KCNH1: variants seen among roughly 807,000 people sequenced by gnomAD.
The protein encoded by KCNH1 is voltage-gated delayed rectifier potassium channel KCNH1.
In KCNH1, 27 loss-of-function variants were observed where a neutral mutation model predicts 69.2. That is an observed-to-expected ratio of 0.39 (90% CI 0.29 to 0.54). The LOEUF (loss-of-function observed/expected upper bound fraction) is 0.54. KCNH1 is among the 20% of genes least tolerant of loss of function. The pLI, the probability that KCNH1 is intolerant of heterozygous loss-of-function variation, is 0.68. For synonymous variants in KCNH1, 456 were observed against 487.7 expected (o/e 0.93, Z 0.86); for missense variants, 798 against 1,261.6 (o/e 0.63, Z 5.57).
At chr1:210,699,359 C>A (rs528118555) in intron 10 of KCNH1, among the ~76,000 whole-genome samples, 1 of 152,344 alleles carries the variant, frequency 6.6e-6, no homozygotes, top group East Asian at 1.9e-4. Context: ...AACCTGGGCA[C>A]AGCATGGACA....
chr1:210,699,221 T>C (rs1681715655), intron 10 of KCNH1, among the ~76,000 whole-genome samples: 1 of 152,216 alleles, frequency 6.6e-6, no homozygotes, highest in South Asian at 2.1e-4. Flanking sequence ...CAATAAATAC[T>C]GTGCCTGCCT....
chr1:210,931,130 G>A (rs1268428712), intron 6 of KCNH1, among the ~76,000 whole-genome samples: 1 of 152,164 alleles, frequency 6.6e-6, no homozygotes, highest in Non-Finnish European at 1.5e-5. Context: ...ACTAAAAGTA[G>A]ATCTACCATT....
At chr1:211,092,079 T>C (rs1182236358) in intron 3 of KCNH1, among the ~76,000 whole-genome samples, 1 of 152,214 alleles carries the variant, frequency 6.6e-6, no homozygotes, top group Non-Finnish European at 1.5e-5. Flanking sequence ...CAAATCAAAA[T>C]AAAGTAGCTA....
intron 7 of KCNH1, chr1:210,861,168 C>G: frequency 2.1e-6 from 2 of 943,952 alleles, no homozygotes; most frequent in South Asian, 2.6e-5. Context: ...TCGTAAGGGT[C>G]TTCTTCCCAA....
intron 1 of KCNH1, among the ~76,000 whole-genome samples, chr1:211,128,212 C>T (rs1453583211): frequency 6.6e-6 from 1 of 151,080 alleles, no homozygotes; most frequent in Non-Finnish European, 1.5e-5. Context: ...TTGCTTGAAC[C>T]CGGGAGGCGG....
At chr1:210,850,039 G>A (rs543508638) in intron 7 of KCNH1, among the ~76,000 whole-genome samples, 37 of 152,146 alleles carry the variant, frequency 2.4e-4, no homozygotes, top group African/African-American at 7.5e-4. Flanking sequence ...CATCTCCTTC[G>A]TGACCAAAAT....
intron 4 of KCNH1, among the ~76,000 whole-genome samples, chr1:211,087,641 A>ACG (rs1553378397): frequency 3.9e-3 from 150 of 38,724 alleles, no homozygotes; most frequent in Middle Eastern, 0.015. Flanking sequence ...ACACACACGC[A>ACG]CACACACACA....
Position 211,019,260 on chromosome 1 carries a change from T to A in KCNH1, c.559-4A>T, listed in dbSNP as rs1689547278. ...TGTCTGAGCCCAGCTGTAGGACCTG[T>A]ACAGAAAAACATGACCAAGAGAGAA... is the stretch of plus-strand genomic sequence containing the variant. On this transcript the variant is annotated splice_polypyrimidine_tract_variant and splice_region_variant and intron_variant, in intron 5 of 10. Transcript: ENST00000271751. 1 of 1,579,628 alleles carries A rather than the reference T, an allele frequency of 6.3e-7. No individual in the cohort carries two copies. Among genetic ancestry groups the A allele is most frequent in the South Asian group, 1.1e-5 (1 of 87,798 alleles).
chr1:210,755,914 A>C (rs1319350169), intron 10 of KCNH1, among the ~76,000 whole-genome samples: 1 of 152,190 alleles, frequency 6.6e-6, no homozygotes, highest in Non-Finnish European at 1.5e-5. Flanking sequence ...TTAACTTTAC[A>C]TAATAATTTC....
chr1:210,968,024 C>T (rs199991467), intron 6 of KCNH1, among the ~76,000 whole-genome samples: 3 of 152,038 alleles, frequency 2.0e-5, no homozygotes, highest in East Asian at 3.9e-4. Flanking sequence ...CCCCTCCCAC[C>T]ACCCCACAAC....
At chr1:211,071,635 T>A (rs1039887480) in intron 5 of KCNH1, among the ~76,000 whole-genome samples, 9 of 152,222 alleles carry the variant, frequency 5.9e-5, no homozygotes, top group Non-Finnish European at 1.3e-4. Flanking sequence ...TTATAATAGA[T>A]TTGTTTATAT....
intron 3 of KCNH1, among the ~76,000 whole-genome samples, chr1:211,099,771 C>G (rs919907261): frequency 2.0e-5 from 3 of 152,208 alleles, no homozygotes; most frequent in African/African-American, 7.2e-5. Context: ...ATGATGAGTT[C>G]CTGACTGGAA....
chr1:210,789,017 C>T (rs1038950748), intron 9 of KCNH1, among the ~76,000 whole-genome samples: 9 of 152,120 alleles, frequency 5.9e-5, no homozygotes, highest in East Asian at 1.9e-4. Flanking sequence ...TCTAAAAGTG[C>T]GGACTTAGTT....
intron 6 of KCNH1, among the ~76,000 whole-genome samples, chr1:211,006,659 A>AAAATG (rs1689292233): frequency 1.3e-5 from 2 of 152,154 alleles, no homozygotes; most frequent in Non-Finnish European, 2.9e-5. Context: ...TAAAAAGCAT[A>AAAATG]TTTCTGTTTT....
chr1:211,028,604 G>C (rs1049517499), intron 5 of KCNH1, among the ~76,000 whole-genome samples: 6 of 151,832 alleles, frequency 4.0e-5, no homozygotes, highest in East Asian at 1.9e-4. Context: ...GAATGGAAAA[G>C]AGAATATCAC....
chr1:211,045,045 T>TATAGATATATAG (rs1553374046), intron 5 of KCNH1, among the ~76,000 whole-genome samples: 1 of 127,048 alleles, frequency 7.9e-6, no homozygotes, highest in Non-Finnish European at 1.7e-5. Flanking sequence ...GTGGGGGATA[T>TATAGATATATAG]ATATATATAT....
intron 10 of KCNH1, among the ~76,000 whole-genome samples, chr1:210,741,673 G>A (rs1243133838): frequency 3.3e-5 from 5 of 152,142 alleles, no homozygotes; most frequent in African/African-American, 1.2e-4. Flanking sequence ...GAAAGCCCTG[G>A]CCCACAGAAT....
intron 6 of KCNH1, among the ~76,000 whole-genome samples, chr1:210,988,644 C>A (rs576469883): frequency 3.6e-4 from 55 of 152,108 alleles, no homozygotes; most frequent in African/African-American, 1.3e-3. Context: ...ATGACCATGA[C>A]GACTAACTTG....
intron 1 of KCNH1, among the ~76,000 whole-genome samples, chr1:211,117,915 G>A (rs771139271): frequency 6.6e-6 from 1 of 152,072 alleles, no homozygotes; most frequent in Non-Finnish European, 1.5e-5. Flanking sequence ...TAATCAAACC[G>A]GTCATGACCA....
Sources: gnomAD v4.1 joint callset for allele counts (sites outside exome capture counted in the v4.1 genomes callset) on GRCh38, gnomAD v4.1.1 for gene constraint, MANE v1.5 for transcripts, NCBI Gene and HGNC (gene_info 2026-07-23, HGNC 2026-07-21) for gene names.